The following THTPA variants were observed in gnomAD, a reference collection of about 807,000 sequenced individuals.
THTPA encodes thiamine-triphosphatase.
THTPA carries 16 observed loss-of-function variants against 16.5 expected under a neutral mutation model. The observed-to-expected ratio is 0.97, with a 90% CI of 0.66 to 1.47. The LOEUF is 1.47. Among genes scored for constraint, THTPA ranks in the 40% most tolerant of loss-of-function variants. THTPA has a pLI of 0.00. For missense variants in THTPA, 281 were observed against 280.9 expected (o/e 1.00, Z 0.00); for synonymous variants, 110 against 115.5 (o/e 0.95, Z 0.30).
At chr14:23,525,998 C>T in the THTPA span, 1 of 1,529,384 alleles carries the variant, frequency 6.5e-7, no homozygotes, top group Non-Finnish European at 8.7e-7. The surrounding 1 kb of genome is among the most constrained non-coding windows in gnomAD (Gnocchi z 5.9). Context: ...AGATATGAAG[C>T]CACTGGTGTC....
At chr14:23,519,556 G>C in the THTPA span, among the ~76,000 whole-genome samples, 1 of 152,134 alleles carries the variant, frequency 6.6e-6, no homozygotes, top group Non-Finnish European at 1.5e-5. Flanking sequence ...TCTGTGACTG[G>C]CATTTTTGGT....
At position 23,556,806 on chromosome 14, in the gene THTPA, G is replaced by A. The variant is rs1481307488; in HGVS notation, c.49G>A (p.Gly17Ser). Residue 17 changes from glycine (G) to serine (S), a missense_variant, in exon 1 of 2, where the codon GGC becomes AGC. Transcript: ENST00000288014. The stretch of plus-strand genomic sequence containing the variant: ...GGAGCGAAAGTTCCTTCCAGGGCCT[G>A]GCACAGAGGAGCGGCTGCAGGAGTT... ...EVERKFLPGP[G>S]TEERLQELGG... The A allele has an allele frequency of 6.2e-7, 1 of 1,613,678 alleles. No homozygotes were observed. The highest frequency in any genetic ancestry group is 1.7e-5 in the Admixed American group (1 of 59,970).
chr14:23,532,749 G>A, the THTPA span: 1,003 of 1,536,126 alleles, frequency 6.5e-4, 8 homozygotes, highest in African/African-American at 0.012. Flanking sequence ...CCCCCCTCCC[G>A]CAGGTGGGCT....
At position 23,556,772 on chromosome 14, in the gene THTPA, G is replaced by C; in HGVS notation, c.15G>C (p.Leu5Phe). The change falls in exon 1 of 2, where the codon TTG (leucine) becomes TTC (phenylalanine). Residue 5 changes from leucine (L) to phenylalanine (F), a missense_variant. By Grantham distance (22) the Leu-to-Phe change is conservative (BLOSUM62 0). Transcript: ENST00000288014. ...TTGCAGGTAGCATGGCCCAGGGCTT[G>C]ATTGAGGTGGAGCGAAAGTTCCTTC... The part of the protein sequence containing the change: MAQG[L>F]IEVERKFLPG... 1.2e-6 allele frequency: 2 copies of C among 1,613,436 alleles called. No homozygotes were observed. The highest frequency in any genetic ancestry group is 1.7e-6 in the Non-Finnish European group (2 of 1,179,704).
the THTPA span, chr14:23,534,462 G>A: frequency 2.0e-6 from 3 of 1,536,386 alleles, 1 homozygote; most frequent in Non-Finnish European, 2.6e-6. This position sits in a 1 kb window ranked among gnomAD's most constrained non-coding sequence, Gnocchi z 4.5. Context: ...GAAAGCTTAT[G>A]AGGGCCTTGC....
chr14:23,532,564 C>A, the THTPA span: 1 of 1,437,160 alleles, frequency 7.0e-7, no homozygotes, highest in Non-Finnish European at 9.1e-7. Flanking sequence ...GACCCAGCCT[C>A]ACCTTATAGA....
chr14:23,512,311 G>A, the THTPA span, among the ~76,000 whole-genome samples: 2 of 151,880 alleles, frequency 1.3e-5, no homozygotes, highest in Non-Finnish European at 1.5e-5. Context: ...ACACTTGCGC[G>A]CACGCACACG....
the THTPA span, chr14:23,530,543 C>T: frequency 3.1e-5 from 15 of 486,428 alleles, no homozygotes; most frequent in Non-Finnish European, 4.7e-5. Flanking sequence ...GTAGGAGGGG[C>T]ACTGAAGAAG....
At chr14:23,512,514 C>G in the THTPA span, among the ~76,000 whole-genome samples, 3 of 151,374 alleles carry the variant, frequency 2.0e-5, no homozygotes, top group African/African-American at 7.3e-5. Context: ...CGAGCTCTCC[C>G]GATACCCCAC....
In THTPA at chr14:23,556,884, C is replaced by T. The variant is rs777198324; in HGVS notation, c.127C>T (p.Pro43Ser). The change falls in exon 1 of 2, where the codon CCT becomes TCT. Residue 43 changes from proline (P) to serine (S), a missense_variant. Physicochemically the swap from Pro to Ser is moderately conservative, Grantham distance 74. Coordinates refer to ENST00000288014, the MANE Select transcript of THTPA (RefSeq NM_024328.6). ...VTFRDTYYDTPELSLMQADHW... is the reference protein window; with the variant it reads ...VTFRDTYYDTSELSLMQADHW... Reference sequence around the variant, plus strand: ...CTTCCGAGACACCTACTATGACACCCCTGAGCTGAGCCTCATGCAGGCTGA... The same window carrying T: ...CTTCCGAGACACCTACTATGACACCTCTGAGCTGAGCCTCATGCAGGCTGA... 2.3e-5 allele frequency: 37 copies of T among 1,613,630 alleles called. No individual in the cohort carries two copies. The highest frequency in any genetic ancestry group is 4.0e-5 in the African/African-American group (3 of 75,026).
At chr14:23,535,359 C>A in the THTPA span, 2 of 1,439,568 alleles carry the variant, frequency 1.4e-6, no homozygotes, top group Non-Finnish European at 1.8e-6. The surrounding 1 kb of genome is among the most constrained non-coding windows in gnomAD (Gnocchi z 4.5). Flanking sequence ...CTCATGTCAG[C>A]GTGACAGCCA....
the THTPA span, chr14:23,525,368 C>T: frequency 7.2e-6 from 11 of 1,536,156 alleles, no homozygotes; most frequent in Middle Eastern, 1.7e-4. The surrounding 1 kb of genome is among the most constrained non-coding windows in gnomAD (Gnocchi z 5.9). Flanking sequence ...CGGGTATAGG[C>T]TGTCATAGCT....
the THTPA span, chr14:23,534,260 T>C: frequency 6.5e-7 from 1 of 1,529,088 alleles, no homozygotes; most frequent in East Asian, 2.5e-5. The surrounding 1 kb of genome is among the most constrained non-coding windows in gnomAD (Gnocchi z 4.5). Flanking sequence ...TGGGTTGGGC[T>C]GGGGTCCCAG....
the THTPA span, chr14:23,533,654 C>T: frequency 1.8e-5 from 28 of 1,537,070 alleles, no homozygotes; most frequent in South Asian, 4.8e-5. The surrounding 1 kb of genome is among the most constrained non-coding windows in gnomAD (Gnocchi z 4.8). Context: ...TTGTCTCCCG[C>T]GGAGGGTGGG....
At chr14:23,522,769 G>A in the THTPA span, 1 of 1,536,460 alleles carries the variant, frequency 6.5e-7, no homozygotes, top group Admixed American at 2.0e-5. Flanking sequence ...TGTCCCCCAA[G>A]GGCTCAGTAG....
At chr14:23,523,733 G>A in the THTPA span, 1 of 1,536,296 alleles carries the variant, frequency 6.5e-7, no homozygotes, top group Non-Finnish European at 8.7e-7. This position sits in a 1 kb window ranked among gnomAD's most constrained non-coding sequence, Gnocchi z 4.1. Context: ...GCTCATCTGG[G>A]TCCTGTAGCG....
the THTPA span, among the ~76,000 whole-genome samples, chr14:23,541,442 C>T: frequency 3.3e-5 from 5 of 152,068 alleles, no homozygotes; most frequent in Admixed American, 1.3e-4. Flanking sequence ...CAGGCTCCAC[C>T]ACGCCCAGCT....
At chr14:23,529,112 T>C in the THTPA span, among the ~76,000 whole-genome samples, 1 of 152,212 alleles carries the variant, frequency 6.6e-6, no homozygotes, top group Non-Finnish European at 1.5e-5. Flanking sequence ...TTTGGAGAGC[T>C]GTGAGGCACA....
the THTPA span, among the ~76,000 whole-genome samples, chr14:23,541,663 T>C: frequency 6.6e-6 from 1 of 152,218 alleles, no homozygotes; most frequent in Admixed American, 6.5e-5. Flanking sequence ...AGAGACCCAT[T>C]ATTCCAGAGC....
Sources: allele counts gnomAD v4.1 joint callset (sites outside exome capture counted in the v4.1 genomes callset), GRCh38; gene constraint gnomAD v4.1.1; non-coding constraint Gnocchi (gnomAD v3.1); transcripts MANE v1.5; gene names NCBI Gene and HGNC (gene_info 2026-07-23, HGNC 2026-07-21).